The following PLD5 variants were observed in gnomAD, a reference collection of about 807,000 sequenced individuals.
The protein encoded by PLD5 is phospholipase D family member 5.
Under a neutral mutation model 61.1 loss-of-function variants are expected in PLD5, and 36 were observed. The observed-to-expected ratio is 0.59, with a 90% CI of 0.45 to 0.78. The LOEUF is 0.78. Ranked by LOEUF, PLD5 falls within the 30% of genes least tolerant of loss-of-function variation. The pLI is 0.00. For synonymous variants in PLD5, 243 were observed against 242.8 expected (o/e 1.00, Z -0.01); for missense variants, 515 against 644.4 (o/e 0.80, Z 2.17).
chr1:242,277,138 C>T (rs1207408789), intron 3 of PLD5, among the ~76,000 whole-genome samples: 1 of 152,168 alleles, frequency 6.6e-6, no homozygotes, highest in Non-Finnish European at 1.5e-5. Context: ...TATCTTGGTA[C>T]TGCCTTTCAG....
intron 6 of PLD5, among the ~76,000 whole-genome samples, chr1:242,118,963 T>C (rs1413737041): frequency 6.6e-6 from 1 of 152,238 alleles, no homozygotes; most frequent in Non-Finnish European, 1.5e-5. Context: ...AAGAGAGGGC[T>C]AAGTTTCCCT....
At chr1:242,104,473 A>T (rs1660901314) in intron 8 of PLD5, among the ~76,000 whole-genome samples, 1 of 152,166 alleles carries the variant, frequency 6.6e-6, no homozygotes, top group African/African-American at 2.4e-5. Flanking sequence ...AAGATTAAAA[A>T]GGACTTTGTA....
intron 1 of PLD5, among the ~76,000 whole-genome samples, chr1:242,516,974 A>G (rs1156908361): frequency 6.6e-6 from 1 of 152,188 alleles, no homozygotes; most frequent in Admixed American, 6.5e-5. Flanking sequence ...ATTTATGTTC[A>G]TGTAAATAGT....
At chr1:242,257,682 A>G (rs937611665) in intron 4 of PLD5, among the ~76,000 whole-genome samples, 43 of 152,252 alleles carry the variant, frequency 2.8e-4, no homozygotes, top group African/African-American at 9.9e-4. Context: ...AATTAGCTCA[A>G]TGTACCCATC....
intron 7 of PLD5, among the ~76,000 whole-genome samples, chr1:242,112,860 C>T (rs1353385807): frequency 6.6e-6 from 1 of 152,160 alleles, no homozygotes; most frequent in African/African-American, 2.4e-5. Context: ...GCATTCCCAG[C>T]ACGAAAGCAA....
chr1:242,403,827 G>A (rs932584911), intron 1 of PLD5, among the ~76,000 whole-genome samples: 1 of 152,084 alleles, frequency 6.6e-6, no homozygotes, highest in Admixed American at 6.6e-5. Flanking sequence ...CAATGGAAGG[G>A]CTTTTCCTCC....
chr1:242,207,525 A>G (rs908606066), intron 5 of PLD5, among the ~76,000 whole-genome samples: 1 of 151,952 alleles, frequency 6.6e-6, no homozygotes, highest in Non-Finnish European at 1.5e-5. Context: ...AGCTGCTCAC[A>G]GATCTTCCAA....
At chr1:242,494,082 TGCCC>T (rs1668273410) in intron 1 of PLD5, among the ~76,000 whole-genome samples, 1 of 61,822 alleles carries the variant, frequency 1.6e-5, no homozygotes, top group Non-Finnish European at 3.1e-5. Flanking sequence ...TCCCCTCCCC[TGCCC>T]TCCCTTCCCC....
chr1:242,515,695 C>A (rs1407478528), intron 1 of PLD5, among the ~76,000 whole-genome samples: 1 of 152,172 alleles, frequency 6.6e-6, no homozygotes, highest in Non-Finnish European at 1.5e-5. Context: ...ATTGTCCATT[C>A]AACTATAGTT....
chr1:242,383,633 A>T (rs1250795400), intron 1 of PLD5, among the ~76,000 whole-genome samples: 1 of 152,088 alleles, frequency 6.6e-6, no homozygotes, highest in Admixed American at 6.6e-5. Context: ...TATAAATACA[A>T]AATCTGCAGA....
At chr1:242,134,914 C>T (rs867397841) in intron 5 of PLD5, among the ~76,000 whole-genome samples, 19 of 152,294 alleles carry the variant, frequency 1.2e-4, no homozygotes, top group East Asian at 3.9e-4. Flanking sequence ...CTGGTCTGGA[C>T]GACCACTGGG....
intron 5 of PLD5, among the ~76,000 whole-genome samples, chr1:242,164,467 CCATGTTAATCATCAGTACATGGA>C (rs1362218066): frequency 1.3e-5 from 2 of 151,874 alleles, no homozygotes; most frequent in African/African-American, 4.8e-5. Context: ...CACTGACGGG[CCATGTTAATCATCAGTACATGGA>C]CATGTTATTT....
intron 2 of PLD5, among the ~76,000 whole-genome samples, chr1:242,306,759 A>G (rs1676380846): frequency 1.7e-5 from 2 of 117,956 alleles, no homozygotes; most frequent in African/African-American, 2.9e-5. Context: ...ACACACACAC[A>G]CACACACACA....
chr1:242,236,531 GA>G (rs1558380906), intron 4 of PLD5, among the ~76,000 whole-genome samples: 1 of 149,918 alleles, frequency 6.7e-6, no homozygotes, highest in Non-Finnish European at 1.5e-5. Context: ...TTTTGCTTTT[GA>G]AAAAAATAAT....
chr1:242,511,363 G>C (rs1431847391), intron 1 of PLD5, among the ~76,000 whole-genome samples: 1 of 152,200 alleles, frequency 6.6e-6, no homozygotes, highest in African/African-American at 2.4e-5. Flanking sequence ...CTGAATGTGG[G>C]GATGTGGGAC....
At chr1:242,506,662 A>G (rs1668731407) in intron 1 of PLD5, among the ~76,000 whole-genome samples, 1 of 152,212 alleles carries the variant, frequency 6.6e-6, no homozygotes, top group African/African-American at 2.4e-5. Context: ...CCCTAGGAAA[A>G]GAAAAGGGGC....
intron 1 of PLD5, among the ~76,000 whole-genome samples, chr1:242,405,523 G>A (rs777940695): frequency 1.2e-4 from 18 of 151,900 alleles, no homozygotes; most frequent in Non-Finnish European, 2.2e-4. Context: ...CTCACTCTCT[G>A]CTATTTCATC....
chr1:242,244,812 C>A (rs1256135570), intron 4 of PLD5, among the ~76,000 whole-genome samples: 1 of 152,170 alleles, frequency 6.6e-6, no homozygotes, highest in Non-Finnish European at 1.5e-5. Flanking sequence ...CAGACTTGGA[C>A]AAAGCTATCT....
chr1:242,099,665 C>T (rs184827093), intron 9 of PLD5, among the ~76,000 whole-genome samples: 13 of 152,276 alleles, frequency 8.5e-5, no homozygotes, highest in Middle Eastern at 3.4e-3. Context: ...CATTTCTAAA[C>T]TGCAGATGAT....
Sources: gnomAD v4.1 joint callset for allele counts (sites outside exome capture counted in the v4.1 genomes callset) on GRCh38, gnomAD v4.1.1 for gene constraint, MANE v1.5 for transcripts, NCBI Gene and HGNC (gene_info 2026-07-23, HGNC 2026-07-21) for gene names.